Variants in NME9 observed in about 807,000 individuals in gnomAD.
NME9 encodes NME/NM23 family member 9, also known as thioredoxin domain-containing protein 6.
NME9 carries 48 observed loss-of-function variants against 44.4 expected under a neutral mutation model. That is an observed-to-expected ratio of 1.08 (90% CI 0.86 to 1.37). NME9 has a LOEUF of 1.37. Ranked by LOEUF, NME9 falls within the 40% of genes most tolerant of loss-of-function variation. The probability of loss-of-function intolerance (pLI) is 0.00; values close to 1 mark genes in which losing one functional copy is unlikely to be tolerated. For synonymous variants in NME9, 139 were observed against 147.1 expected, an observed-to-expected ratio of 0.94 and a Z score of 0.40; for missense variants, 325 against 405.2, an observed-to-expected ratio of 0.80 and a Z score of 1.70.
At chr3:138,309,475 A>G (rs1265744757) in intron 6 of NME9, among the ~76,000 whole-genome samples, 1 of 152,028 alleles carries the variant, frequency 6.6e-6, no homozygotes, top group Non-Finnish European at 1.5e-5. Flanking sequence ...ACTCGAGGCT[A>G]GGAGATCAAG....
intron 4 of NME9, 34 bp from the exon 5 acceptor site, chr3:138,315,677 TGGCAAATA>T: frequency 1.4e-6 from 2 of 1,447,772 alleles, no homozygotes; most frequent in Non-Finnish European, 1.9e-6. Context: ...GAAATACTCT[TGGCAAATA>T]TTAATCTCTT....
At chr3:138,288,777 A>T (rs2050669258) in intron 8 of NME9, among the ~76,000 whole-genome samples, 1 of 151,266 alleles carries the variant, frequency 6.6e-6, no homozygotes, top group African/African-American at 2.4e-5. Flanking sequence ...AGCTGAGATT[A>T]CAGGCGCCCG....
intron 6 of NME9, among the ~76,000 whole-genome samples, chr3:138,309,749 C>G (rs1488558359): frequency 6.6e-6 from 1 of 151,654 alleles, no homozygotes; most frequent in Non-Finnish European, 1.5e-5. Flanking sequence ...AAAAAAAAGC[C>G]AGATGCAGTG....
Position 138,306,474 on chromosome 3 carries a change from G to C in NME9, c.467C>G (p.Ser156Ter). The C allele has an allele frequency of 6.2e-7, 1 of 1,604,038 alleles. No individual in the cohort carries two copies. The highest frequency in any genetic ancestry group is 1.1e-5 in the South Asian group (1 of 89,112). Residue 156 changes from serine to a stop codon, truncating the protein, a stop_gained, in exon 7 of 11, where the codon TCA becomes TGA. Coordinates refer to ENST00000333911, the MANE Select transcript of NME9 (RefSeq NM_001349018.2). LOFTEE classifies it high-confidence loss of function. ...GATGGCCAAGGTACAGGTCCTCTCT[G>C]ATGAAACTAAGCCAAAAAATGGTGC... ...NNGEDEDMVS[S>*]ERTCTLAIIK...
chr3:138,263,085 T>C (rs1324045782), intron 8 of NME9, among the ~76,000 whole-genome samples: 1 of 152,242 alleles, frequency 6.6e-6, no homozygotes, highest in Admixed American at 6.5e-5. Context: ...GAAAAGGCTG[T>C]TTTTCAATAG....
chr3:138,316,671 A>G (rs1480766633), intron 4 of NME9, among the ~76,000 whole-genome samples: 1 of 151,962 alleles, frequency 6.6e-6, no homozygotes, highest in East Asian at 1.9e-4. Flanking sequence ...CTGGAGTTCA[A>G]TGGTGTGGTC....
At chr3:138,270,180 T>C (rs2048657845) in intron 8 of NME9, 2 of 1,341,404 alleles carry the variant, frequency 1.5e-6, no homozygotes, top group African/African-American at 1.4e-5. Context: ...GGAATACAGC[T>C]ATTGTCTAAG....
At chr3:138,263,976 C>G (rs2048007583) in intron 8 of NME9, 1 of 949,652 alleles carries the variant, frequency 1.1e-6, no homozygotes, top group Admixed American at 2.1e-5. Context: ...AACAGAGAGC[C>G]TGGCCTCCAA....
intron 8 of NME9, among the ~76,000 whole-genome samples, chr3:138,293,650 C>T (rs922978077): frequency 6.6e-6 from 1 of 152,200 alleles, no homozygotes; most frequent in Non-Finnish European, 1.5e-5. Context: ...TGGATCTGAG[C>T]TTGTACCTTG....
chr3:138,269,701 C>T (rs2048598611), intron 8 of NME9, among the ~76,000 whole-genome samples: 2 of 151,970 alleles, frequency 1.3e-5, no homozygotes, highest in South Asian at 4.2e-4. Flanking sequence ...GAGTGGGGAG[C>T]TAGGTAATGG....
chr3:138,276,587 G>A (rs528229908), intron 8 of NME9, among the ~76,000 whole-genome samples: 7 of 152,286 alleles, frequency 4.6e-5, no homozygotes, highest in Admixed American at 4.6e-4. Flanking sequence ...AGTTAAGCAA[G>A]GTCACAAGAT....
intron 4 of NME9, 104 bp downstream of exon 4, chr3:138,318,044 C>T: frequency 1.0e-5 from 8 of 768,334 alleles, no homozygotes; most frequent in Middle Eastern, 2.3e-4. Flanking sequence ...CTTGGTGGTT[C>T]CCATTAATTC....
chr3:138,273,107 C>T (rs767890360), intron 8 of NME9: 35 of 1,603,838 alleles, frequency 2.2e-5, no homozygotes, highest in East Asian at 2.2e-5. Flanking sequence ...ATCTCCTCTC[C>T]ACTCGTCCTG....
chr3:138,328,538 C>T (rs577167574), intron 1 of NME9, among the ~76,000 whole-genome samples: 3 of 152,252 alleles, frequency 2.0e-5, no homozygotes, highest in African/African-American at 7.2e-5. Context: ...CCTTGGTATG[C>T]ATCTTACTGG....
intron 1 of NME9, among the ~76,000 whole-genome samples, chr3:138,327,997 T>C (rs1199557939): frequency 1.3e-5 from 2 of 152,164 alleles, no homozygotes; most frequent in Admixed American, 6.5e-5. Context: ...ATCACAGCTC[T>C]GCAGGCGTTA....
At chr3:138,298,316 C>A (rs962058677), downstream of NME9, 1 of 152,118 alleles carries the variant, frequency 6.6e-6, no homozygotes, top group Non-Finnish European at 1.5e-5. Flanking sequence ...ACATGTTCTT[C>A]TGGTAGTGTT....
intron 1 of NME9, among the ~76,000 whole-genome samples, chr3:138,325,923 T>C (rs538682187): frequency 6.6e-6 from 1 of 152,206 alleles, no homozygotes; most frequent in South Asian, 2.1e-4. Flanking sequence ...CACTGACATA[T>C]TGTGAACATT....
chr3:138,278,933 C>T (rs559615315), intron 8 of NME9, among the ~76,000 whole-genome samples: 5 of 152,120 alleles, frequency 3.3e-5, no homozygotes, highest in South Asian at 2.1e-4. Context: ...AGTTATTTTG[C>T]GTGAATTACT....
At chr3:138,285,426 T>G (rs1229261413) in intron 8 of NME9, among the ~76,000 whole-genome samples, 1 of 150,930 alleles carries the variant, frequency 6.6e-6, no homozygotes, top group Non-Finnish European at 1.5e-5. Context: ...ATCTTATTCC[T>G]CTCTTCCTTT....
Sources: gnomAD v4.1 joint callset for allele counts (sites outside exome capture counted in the v4.1 genomes callset) on GRCh38, gnomAD v4.1.1 for gene constraint, MANE v1.5 for transcripts, NCBI Gene and HGNC (gene_info 2026-07-23, HGNC 2026-07-21) for gene names.